Variants in WDFY3 observed in about 807,000 individuals in gnomAD.
WDFY3 encodes the protein WD repeat and FYVE domain-containing protein 3.
Under a neutral mutation model 409.6 loss-of-function variants are expected in WDFY3, and 66 were observed. That is an observed-to-expected ratio of 0.16 (90% CI 0.13 to 0.20). WDFY3 has a LOEUF of 0.20. Ranked by LOEUF, WDFY3 falls within the 10% of genes least tolerant of loss-of-function variation. The pLI is 1.00. For missense variants in WDFY3, 3,031 were observed against 4,298.1 expected, an observed-to-expected ratio of 0.71 and a Z score of 8.24; for synonymous variants, 1,521 against 1,537.1, an observed-to-expected ratio of 0.99 and a Z score of 0.25.
intron 3 of WDFY3, among the ~76,000 whole-genome samples, chr4:84,895,015 G>A (rs1272411498): frequency 1.4e-5 from 2 of 148,112 alleles, no homozygotes; most frequent in Non-Finnish European, 3.0e-5. Context: ...TGATTAATAA[G>A]TTACTAATAA....
intron 32 of WDFY3, among the ~76,000 whole-genome samples, chr4:84,762,214 A>G (rs910606284): frequency 2.0e-5 from 3 of 151,594 alleles, no homozygotes; most frequent in African/African-American, 7.3e-5. Flanking sequence ...GAACCAACCC[A>G]AATGTCCAAC....
At chr4:84,813,380 A>C (rs944913688) in intron 13 of WDFY3, among the ~76,000 whole-genome samples, 1 of 152,204 alleles carries the variant, frequency 6.6e-6, no homozygotes, top group Admixed American at 6.6e-5. Flanking sequence ...TTAAAAATTA[A>C]GTAACAAATT....
intron 30 of WDFY3, among the ~76,000 whole-genome samples, chr4:84,769,612 C>T (rs1413775767): frequency 7.9e-5 from 12 of 151,848 alleles, no homozygotes; most frequent in Admixed American, 3.3e-4. Flanking sequence ...TTAGTAGAGA[C>T]GGGGTTTCAC....
intron 13 of WDFY3, among the ~76,000 whole-genome samples, chr4:84,814,134 A>C: frequency 6.6e-6 from 1 of 152,230 alleles, no homozygotes; most frequent in Non-Finnish European, 1.5e-5. Flanking sequence ...ATACGCCACT[A>C]TGGCATAAGG....
chr4:84,892,711 A>G (rs1277420689), intron 3 of WDFY3, among the ~76,000 whole-genome samples: 2 of 152,228 alleles, frequency 1.3e-5, no homozygotes, highest in Non-Finnish European at 2.9e-5. Flanking sequence ...TTAGATGCTA[A>G]GAATGTAGAG....
chr4:84,721,686 T>A lies in WDFY3; in HGVS notation c.7442-114A>T, dbSNP rs1253038536. On this transcript the variant is annotated intron_variant, in intron 46 of 67. Transcript: ENST00000295888. The stretch of plus-strand genomic sequence containing the variant: ...TCCAATTTGAGACAATTTTGGAAGG[T>A]ATAGGGAGGTAGCACATTCAGTGGT... The A allele has an allele frequency of 1.4e-5, 17 of 1,225,240 alleles. No individual in the cohort carries two copies. In the East Asian group the frequency reaches 4.1e-4, roughly 30 times the overall value. 75.9% of individuals were successfully genotyped at this position (1,225,240 alleles called of 1,614,324 possible). A position where few individuals can be genotyped will look rare whatever the true frequency, so the allele number is the denominator to read the frequency against.
chr4:84,891,573 G>A (rs1337786650), intron 3 of WDFY3, among the ~76,000 whole-genome samples: 3 of 152,018 alleles, frequency 2.0e-5, no homozygotes, highest in South Asian at 2.1e-4. Flanking sequence ...TACAGATTCC[G>A]CAGAACACCA....
At chr4:84,735,602 C>A (rs1367442991) in intron 42 of WDFY3, among the ~76,000 whole-genome samples, 1 of 152,194 alleles carries the variant, frequency 6.6e-6, no homozygotes, top group Non-Finnish European at 1.5e-5. Context: ...ATCCCAAGGG[C>A]ACCCCCTAAT....
At chr4:84,949,051 G>A (rs773584126) in intron 1 of WDFY3, among the ~76,000 whole-genome samples, 9 of 152,120 alleles carry the variant, frequency 5.9e-5, no homozygotes, top group Non-Finnish European at 1.2e-4. Flanking sequence ...TTTCCTCAGC[G>A]CCTGTAGTTA....
At chr4:84,932,675 G>C (rs1770908949) in intron 1 of WDFY3, among the ~76,000 whole-genome samples, 3 of 152,118 alleles carry the variant, frequency 2.0e-5, no homozygotes, top group Admixed American at 1.3e-4. Flanking sequence ...GCCAGATTCA[G>C]AACTCAACCC....
rs576060155 is a variant in WDFY3 at position 84,870,948 on chromosome 4, T to C, written c.-31-10326A>G. On this transcript the variant is annotated intron_variant, in intron 3 of 67. Coordinates refer to ENST00000295888, the MANE Select transcript of WDFY3 (RefSeq NM_014991.6). ...CTAACAGATATGAAGAATGCTTTGA[T>C]AGGCTCAGCAGTAGATGGATACTGC... 7.9e-5 allele frequency among the ~76,000 whole-genome samples: 12 copies of C among 151,040 alleles called. No individual in the cohort carries two copies. The East Asian group carries it at 2.1e-3, about 27-fold the overall frequency.
intron 36 of WDFY3, among the ~76,000 whole-genome samples, chr4:84,744,137 T>C (rs1173158145): frequency 6.7e-6 from 1 of 148,318 alleles, no homozygotes; most frequent in East Asian, 1.9e-4. Flanking sequence ...TATAATATTG[T>C]TATATAAAAA....
chr4:84,747,411 GCT>G (rs1739658017), intron 36 of WDFY3, among the ~76,000 whole-genome samples: 1 of 152,122 alleles, frequency 6.6e-6, no homozygotes, highest in Non-Finnish European at 1.5e-5. Flanking sequence ...ACTTTGTGGT[GCT>G]CTCTTTGCCC....
chr4:84,722,127 C>T (rs571279125), intron 46 of WDFY3, among the ~76,000 whole-genome samples: 1 of 152,164 alleles, frequency 6.6e-6, no homozygotes, highest in East Asian at 1.9e-4. Flanking sequence ...GTAGCTCACA[C>T]CTATAATCCC....
chr4:84,930,933 AG>A (rs1770690096), intron 2 of WDFY3, among the ~76,000 whole-genome samples: 1 of 152,226 alleles, frequency 6.6e-6, no homozygotes, highest in Non-Finnish European at 1.5e-5. Context: ...TATTATATAC[AG>A]TAAGATATTT....
At chr4:84,761,231 T>C (rs1742532688) in intron 32 of WDFY3, among the ~76,000 whole-genome samples, 1 of 152,280 alleles carries the variant, frequency 6.6e-6, no homozygotes, top group African/African-American at 2.4e-5. Flanking sequence ...TCCAACTATG[T>C]GGTCAATTTT....
intron 59 of WDFY3, among the ~76,000 whole-genome samples, chr4:84,691,999 C>T (rs957192042): frequency 1.3e-5 from 2 of 152,204 alleles, no homozygotes; most frequent in Non-Finnish European, 2.9e-5. Flanking sequence ...CAGGACTTTC[C>T]TCCAGCTTTC....
At chr4:84,866,024 G>A (rs1164466508) in intron 3 of WDFY3, among the ~76,000 whole-genome samples, 3 of 152,090 alleles carry the variant, frequency 2.0e-5, no homozygotes, top group Admixed American at 1.3e-4. Context: ...TGAGCCATGA[G>A]CATGCCACTG....
intron 24 of WDFY3, among the ~76,000 whole-genome samples, chr4:84,783,441 T>C (rs182064207): frequency 1.3e-5 from 2 of 152,280 alleles, no homozygotes; most frequent in Non-Finnish European, 2.9e-5. Flanking sequence ...ATTGTGCCAC[T>C]GGCACTCCAC....
Sources: gnomAD v4.1 joint callset for allele counts (sites outside exome capture counted in the v4.1 genomes callset) on GRCh38, gnomAD v4.1.1 for gene constraint, MANE v1.5 for transcripts, NCBI Gene and HGNC (gene_info 2026-07-23, HGNC 2026-07-21) for gene names.